KRTAP5-3: variants seen among roughly 807,000 people sequenced by gnomAD.
KRTAP5-3 encodes the protein keratin-associated protein 5-3.
In KRTAP5-3, 1 loss-of-function variant was observed where a neutral mutation model predicts 2.3. The observed-to-expected ratio is 0.44, with a 90% CI of 0.16 to 2.10. KRTAP5-3 has a LOEUF of 2.10. KRTAP5-3 is among the 30% of genes most tolerant of loss of function. The pLI is 0.28. For missense variants in KRTAP5-3, 229 were observed against 291.4 expected (o/e 0.79, Z 1.56); for synonymous variants, 92 against 117.6 (o/e 0.78, Z 1.41).
chr11:1,608,213 C>T lies in KRTAP5-3; in HGVS notation c.173G>A (p.Gly58Asp), dbSNP rs1441262808. ...GACCCCCTTGGAGCCCCCACAGGAG[C>T]CACAGCTGGAGCAGGAACAGGCTGG... Reference protein sequence around the residue: ...CVPACSCSSCGSCGGSKGVCG... With the variant: ...CVPACSCSSCDSCGGSKGVCG... The change falls in exon 1 of 1, where the codon GGC becomes GAC. Residue 58 changes from glycine to aspartate, a missense_variant. This residue lies in a region of KRTAP5-3 where 190 missense variants were observed against 207.6 expected (regional missense o/e 0.92). Transcript: ENST00000399685. The T allele has an allele frequency of 1.9e-6, 3 of 1,608,336 alleles. No individual in the cohort carries two copies. The highest frequency in any genetic ancestry group is 1.7e-6 in the Non-Finnish European group (2 of 1,178,756).
At position 1,608,267 on chromosome 11, in the gene KRTAP5-3, C is replaced by T; in HGVS notation, c.119G>A (p.Cys40Tyr). Residue 40 changes from cysteine (C) to tyrosine (Y), a missense_variant, in exon 1 of 1, where the codon TGC (cysteine) becomes TAC (tyrosine). By Grantham distance (194) the Cys-to-Tyr change is radical (BLOSUM62 -2). Coordinates refer to ENST00000399685, the MANE Select transcript of KRTAP5-3 (RefSeq NM_001012708.2). Reference sequence around the variant, plus strand: ...ACAGCAGCACACGGGCTTGCAGCAGCAGACAGGTACACAGCAGCCGGAGCC... The same window carrying T: ...ACAGCAGCACACGGGCTTGCAGCAGTAGACAGGTACACAGCAGCCGGAGCC... The part of the protein sequence containing the change: ...GCGSGCCVPV[C>Y]CCKPVCCCVP... The T allele has an allele frequency of 6.2e-7, 1 of 1,611,896 alleles. No homozygotes were observed. Among genetic ancestry groups the T allele is most frequent in the Non-Finnish European group, 8.5e-7 (1 of 1,179,730 alleles).
At position 1,608,344 on chromosome 11, in the gene KRTAP5-3, A is replaced by G; in HGVS notation, c.42T>C (p.Cys14=). ...CCCCACAGCTGGAGCCACAGCCCCC[A>G]CAGCTGGAGCCACAGCCTCCAGAGC... ...SGCSGGCGSS[C]GGCGSSCGGC... is the part of the protein sequence containing the mutation. Residue 14 remains cysteine, a synonymous_variant, in exon 1 of 1, where the codon TGT becomes TGC. Coordinates refer to ENST00000399685, the MANE Select transcript of KRTAP5-3 (RefSeq NM_001012708.2). The G allele has an allele frequency of 6.2e-7, 1 of 1,611,700 alleles. No homozygotes were observed. Among genetic ancestry groups the G allele is most frequent in the Non-Finnish European group, 8.5e-7 (1 of 1,179,674 alleles).
In KRTAP5-3 at chr11:1,607,711, C is replaced by A; in HGVS notation, c.675G>T (p.Gln225His). 6.2e-7 allele frequency: 1 copy of A among 1,612,156 alleles called. No homozygotes were observed. The change falls in exon 1 of 1, where the codon CAG (glutamine) becomes CAT (histidine). Residue 225 changes from glutamine (Q) to histidine (H), a missense_variant. Gln to His is a conservative substitution (Grantham distance 24). Around this residue, in one of 2 missense-constraint regions of KRTAP5-3, gnomAD observed 39 missense variants for 83.8 expected, o/e 0.47. Transcript: ENST00000399685. The part of the protein sequence containing the change: ...QSSCCKPCSS[Q>H]SSCCVPICCQ... ...AGCAAATTGGGACACAGCAGCTGGA[C>A]TGGGAGGAGCAGGGCTTGCAGCAGC...
chr11:1,607,631 C>T lies in KRTAP5-3; in HGVS notation c.*38G>A, dbSNP rs373809666. 33 of 1,613,766 alleles carry T rather than the reference C, an allele frequency of 2.0e-5. No individual in the cohort carries two copies. The highest frequency in any genetic ancestry group is 2.5e-5 in the Non-Finnish European group (29 of 1,179,844). ...CAGCTGCAATCATTCCTGGAGAGCCCGGATCTGTAGGACCCACTGAGGTTT... is the reference window on the plus strand; with the variant it reads ...CAGCTGCAATCATTCCTGGAGAGCCTGGATCTGTAGGACCCACTGAGGTTT... On this transcript the variant is annotated 3_prime_UTR_variant, in exon 1 of 1. Transcript: ENST00000399685.
In KRTAP5-3 at chr11:1,608,205, C is replaced by T. The variant is rs754830055; in HGVS notation, c.181G>A (p.Gly61Arg). ...GAGCCACAGACCCCCTTGGAGCCCC[C>T]ACAGGAGCCACAGCTGGAGCAGGAA... ...ACSCSSCGSC[G>R]GSKGVCGSCG... The change falls in exon 1 of 1, where the codon GGG becomes AGG. Residue 61 changes from glycine (G) to arginine (R), a missense_variant. Physicochemically the swap from Gly to Arg is moderately radical, Grantham distance 125. Transcript: ENST00000399685. 2.5e-6 allele frequency: 4 copies of T among 1,607,978 alleles called. No individual in the cohort carries two copies. The highest frequency in any genetic ancestry group is 3.4e-6 in the Non-Finnish European group (4 of 1,178,658).
Position 1,608,081 on chromosome 11 carries a change from C to T in KRTAP5-3, c.305G>A (p.Gly102Asp). 1 of 1,607,750 alleles carries T rather than the reference C, an allele frequency of 6.2e-7. No individual in the cohort carries two copies. Among genetic ancestry groups the T allele is most frequent in the Non-Finnish European group, 8.5e-7 (1 of 1,178,398 alleles). Reference protein sequence around the residue: ...CVPVCCSSSCGSCGGSKGVCG... With the variant: ...CVPVCCSSSCDSCGGSKGVCG... Reference sequence around the variant, plus strand: ...GACCCCCTTGGAACCCCCACAGGAGCCACAGCTGGAGGAGCAGCAGACGGG... The same window carrying T: ...GACCCCCTTGGAACCCCCACAGGAGTCACAGCTGGAGGAGCAGCAGACGGG... Residue 102 changes from glycine (G) to aspartate (D), a missense_variant, in exon 1 of 1, where the codon GGC becomes GAC. By Grantham distance (94) the Gly-to-Asp change is moderately conservative. Around this residue, in one of 2 missense-constraint regions of KRTAP5-3, gnomAD observed 190 missense variants for 207.6 expected, o/e 0.92. Coordinates refer to ENST00000399685, the MANE Select transcript of KRTAP5-3 (RefSeq NM_001012708.2).
chr11:1,608,285 C>G lies in KRTAP5-3; in HGVS notation c.101G>C (p.Gly34Ala), dbSNP rs1244009861. The change falls in exon 1 of 1, where the codon GGC becomes GCC. Residue 34 changes from glycine (G) to alanine (A), a missense_variant. By Grantham distance (60) the Gly-to-Ala change is moderately conservative. Coordinates refer to ENST00000399685, the MANE Select transcript of KRTAP5-3 (RefSeq NM_001012708.2). Reference sequence around the variant, plus strand: ...GCAGCAGCAGACAGGTACACAGCAGCCGGAGCCACAGCCCCCATAGCCGGA... The same window carrying G: ...GCAGCAGCAGACAGGTACACAGCAGGCGGAGCCACAGCCCCCATAGCCGGA... ...CGSGYGGCGS[G>A]CCVPVCCCKP... 6.2e-7 allele frequency: 1 copy of G among 1,612,320 alleles called. No individual in the cohort carries two copies. The highest frequency in any genetic ancestry group is 8.5e-7 in the Non-Finnish European group (1 of 1,179,810).
Position 1,607,851 on chromosome 11 carries a change from C to T in KRTAP5-3, c.535G>A (p.Gly179Ser). ...SCCKPCCCSS[G>S]CGSSCCQSSC... ...GACTGGCAGCAGGATGACCCACAGC[C>T]TGAGGAGCAGCAGCAGGGCTTACAG... is the stretch of plus-strand genomic sequence containing the variant. The change falls in exon 1 of 1, where the codon GGC (glycine) becomes AGC (serine). Residue 179 changes from glycine (G) to serine (S), a missense_variant. This residue lies in a region of KRTAP5-3 where 39 missense variants were observed against 83.8 expected (regional missense o/e 0.47). Coordinates refer to ENST00000399685, the MANE Select transcript of KRTAP5-3 (RefSeq NM_001012708.2). 1 of 1,598,140 alleles carries T rather than the reference C, an allele frequency of 6.3e-7. No individual in the cohort carries two copies. The highest frequency in any genetic ancestry group is 2.3e-5 in the East Asian group (1 of 43,654).
Position 1,608,206 on chromosome 11 carries a change from A to C in KRTAP5-3, c.180T>G (p.Cys60Trp). Residue 60 changes from cysteine (C) to tryptophan (W), a missense_variant, in exon 1 of 1, where the codon TGT (cysteine) becomes TGG (tryptophan). Around this residue, in one of 2 missense-constraint regions of KRTAP5-3, gnomAD observed 190 missense variants for 207.6 expected, o/e 0.92. Transcript: ENST00000399685. ...AGCCACAGACCCCCTTGGAGCCCCC[A>C]CAGGAGCCACAGCTGGAGCAGGAAC... is the stretch of plus-strand genomic sequence containing the variant. ...PACSCSSCGS[C>W]GGSKGVCGSC... The C allele has an allele frequency of 7.4e-7, 1 of 1,360,412 alleles. No homozygotes were observed. Among genetic ancestry groups the C allele is most frequent in the African/African-American group, 1.7e-5 (1 of 59,418 alleles). The allele number at this position is 1,360,412 out of a possible 1,614,324, so 84.3% of individuals were successfully genotyped here. A position where few individuals can be genotyped will look rare whatever the true frequency, so the allele number is the denominator to read the frequency against.
chr11:1,608,115 A>C lies in KRTAP5-3; in HGVS notation c.271T>G (p.Cys91Gly). ...GGSKGGCGSS[C>G]CVPVCCSSSC... Reference sequence around the variant, plus strand: ...GAGGAGCAGCAGACGGGCACACAGCAGCTGGAGCCACAGCCCCCCTTGGAG... The same window carrying C: ...GAGGAGCAGCAGACGGGCACACAGCCGCTGGAGCCACAGCCCCCCTTGGAG... Residue 91 changes from cysteine to glycine, a missense_variant, in exon 1 of 1, where the codon TGC (cysteine) becomes GGC (glycine). By Grantham distance (159) the Cys-to-Gly change is radical. Coordinates refer to ENST00000399685, the MANE Select transcript of KRTAP5-3 (RefSeq NM_001012708.2). The C allele has an allele frequency of 6.2e-7, 1 of 1,600,740 alleles. No individual in the cohort carries two copies. The highest frequency in any genetic ancestry group is 8.5e-7 in the Non-Finnish European group (1 of 1,175,102).
At position 1,608,206 on chromosome 11, in the gene KRTAP5-3, A is replaced by T. The variant is rs1490122864; in HGVS notation, c.180T>A (p.Cys60Ter). ...AGCCACAGACCCCCTTGGAGCCCCC[A>T]CAGGAGCCACAGCTGGAGCAGGAAC... Reference protein sequence around the residue: ...PACSCSSCGSCGGSKGVCGSC... With the variant: ...PACSCSSCGS The change falls in exon 1 of 1, where the codon TGT (cysteine) becomes TGA (stop). Residue 60 changes from cysteine (C) to a stop codon, truncating the protein, a stop_gained. Coordinates refer to ENST00000399685, the MANE Select transcript of KRTAP5-3 (RefSeq NM_001012708.2). LOFTEE classifies it low-confidence loss of function (END_TRUNC). The T allele has an allele frequency of 2.9e-6, 4 of 1,360,412 alleles. No individual in the cohort carries two copies. Among genetic ancestry groups the T allele is most frequent in the Non-Finnish European group, 3.9e-6 (4 of 1,029,552 alleles). 84.3% of individuals were successfully genotyped at this position (1,360,412 alleles called of 1,614,324 possible).
rs201747044 is a variant in KRTAP5-3, at chr11:1,608,342, C to T, written c.44G>A (p.Gly15Glu). 1.2e-6 allele frequency: 2 copies of T among 1,612,770 alleles called. No homozygotes were observed. The highest frequency in any genetic ancestry group is 1.3e-5 in the African/African-American group (1 of 75,000). The change falls in exon 1 of 1, where the codon GGG (glycine) becomes GAG (glutamate). Residue 15 changes from glycine (G) to glutamate (E), a missense_variant. Coordinates refer to ENST00000399685, the MANE Select transcript of KRTAP5-3 (RefSeq NM_001012708.2). ...GCCCCCACAGCTGGAGCCACAGCCC[C>T]CACAGCTGGAGCCACAGCCTCCAGA... ...GCSGGCGSSC[G>E]GCGSSCGGCG...
Position 1,607,592 on chromosome 11 carries a change from A to T in KRTAP5-3, c.*77T>A. ...GAGGACAGATTCAGAGACGTGCTTC[A>T]GGAATTCAGGACACAGCTGCAATCA... is the stretch of plus-strand genomic sequence containing the variant. On this transcript the variant is annotated 3_prime_UTR_variant, in exon 1 of 1. Coordinates refer to ENST00000399685, the MANE Select transcript of KRTAP5-3 (RefSeq NM_001012708.2). 1 of 1,606,892 alleles carries T rather than the reference A, an allele frequency of 6.2e-7. No homozygotes were observed. The highest frequency in any genetic ancestry group is 8.5e-7 in the Non-Finnish European group (1 of 1,175,542).
Position 1,608,048 on chromosome 11 carries a change from A to T in KRTAP5-3, c.338T>A (p.Phe113Tyr). The T allele has an allele frequency of 1.6e-6, 2 of 1,244,196 alleles. No homozygotes were observed. The highest frequency in any genetic ancestry group is 1.0e-4 in the East Asian group (2 of 19,902). 77.1% of individuals were successfully genotyped at this position (1,244,196 alleles called of 1,614,324 possible). ...SCGGSKGVCGFRGGSKGGCGS... is the reference protein window; with the variant it reads ...SCGGSKGVCGYRGGSKGGCGS... ...GCAGCCCCCCTTGGAGCCCCCACGAAATCCACAGACCCCCTTGGAACCCCC... is the reference window on the plus strand; with the variant it reads ...GCAGCCCCCCTTGGAGCCCCCACGATATCCACAGACCCCCTTGGAACCCCC... Residue 113 changes from phenylalanine (F) to tyrosine (Y), a missense_variant, in exon 1 of 1, where the codon TTT becomes TAT. Physicochemically the swap from Phe to Tyr is conservative, Grantham distance 22. This residue lies in a region of KRTAP5-3 where 190 missense variants were observed against 207.6 expected (regional missense o/e 0.92). Coordinates refer to ENST00000399685, the MANE Select transcript of KRTAP5-3 (RefSeq NM_001012708.2).
chr11:1,607,908 A>G lies in KRTAP5-3; in HGVS notation c.478T>C (p.Cys160Arg). Residue 160 changes from cysteine to arginine, a missense_variant, in exon 1 of 1, where the codon TGC (cysteine) becomes CGC (arginine). By Grantham distance (180) the Cys-to-Arg change is radical (BLOSUM62 -3). This residue lies in a region of KRTAP5-3 where 190 missense variants were observed against 207.6 expected (regional missense o/e 0.92). Coordinates refer to ENST00000399685, the MANE Select transcript of KRTAP5-3 (RefSeq NM_001012708.2). ...GACTGGGAACAGCAGGGCTTACAGC[A>G]GCTGGACTGGGAGCAGCTGGGCTTG... The part of the protein sequence containing the change: ...CCKPSCSQSS[C>R]CKPCCSQSSC... 1 of 1,611,444 alleles carries G rather than the reference A, an allele frequency of 6.2e-7. No individual in the cohort carries two copies. The highest frequency in any genetic ancestry group is 8.5e-7 in the Non-Finnish European group (1 of 1,178,290).
rs1182639041 is a variant in KRTAP5-3, at chr11:1,608,032, C to T, written c.354G>A (p.Lys118=). The T allele has an allele frequency of 4.3e-6, 7 of 1,612,288 alleles. No homozygotes were observed. The highest frequency in any genetic ancestry group is 1.7e-5 in the Admixed American group (1 of 59,944). The change falls in exon 1 of 1, where the codon AAG becomes AAA. Residue 118 remains lysine, a synonymous_variant. Coordinates refer to ENST00000399685, the MANE Select transcript of KRTAP5-3 (RefSeq NM_001012708.2). ...KGVCGFRGGS[K]GGCGSCGCSQ... The stretch of plus-strand genomic sequence containing the variant: ...AGCAGCCACAAGAACCGCAGCCCCC[C>T]TTGGAGCCCCCACGAAATCCACAGA...
At position 1,608,444 on chromosome 11, in the gene KRTAP5-3, G is replaced by T; in HGVS notation, c.-59C>A. ...GAGCAGGTGAGAGGGAGGTGTGCAG[G>T]TGTGGAGTTCTCTGAGCCCGGGCTC... On this transcript the variant is annotated 5_prime_UTR_variant, in exon 1 of 1. Transcript: ENST00000399685. The T allele has an allele frequency of 1.3e-6, 2 of 1,594,112 alleles. No homozygotes were observed. Among genetic ancestry groups the T allele is most frequent in the South Asian group, 1.1e-5 (1 of 87,754 alleles).
Position 1,608,002 on chromosome 11 carries a change from C to T in KRTAP5-3, c.384G>A (p.Gln128=), listed in dbSNP as rs1849433432. The T allele has an allele frequency of 6.2e-7, 1 of 1,613,516 alleles. No individual in the cohort carries two copies. Among genetic ancestry groups the T allele is most frequent in the African/African-American group, 1.3e-5 (1 of 74,860 alleles). Residue 128 remains glutamine, a synonymous_variant, in exon 1 of 1, where the codon CAG becomes CAA. Transcript: ENST00000399685. The stretch of plus-strand genomic sequence containing the variant: ...AGCAGCAGGGCTTATAGCAGCTGCA[C>T]TGGGAGCAGCCACAAGAACCGCAGC... ...KGGCGSCGCS[Q]CSCYKPCCCS...
At position 1,608,254 on chromosome 11, in the gene KRTAP5-3, G is replaced by A. The variant is rs752744921; in HGVS notation, c.132C>T (p.Pro44=). The part of the protein sequence containing the change: ...GCCVPVCCCK[P]VCCCVPACSC... ...AACAGGCTGGCACACAGCAGCACAC[G>A]GGCTTGCAGCAGCAGACAGGTACAC... Residue 44 remains proline (P), a synonymous_variant, in exon 1 of 1, where the codon CCC becomes CCT. Transcript: ENST00000399685. 1.3e-4 allele frequency: 214 copies of A among 1,610,402 alleles called. No homozygotes were observed. Among genetic ancestry groups the A allele is most frequent in the Non-Finnish European group, 1.6e-4 (187 of 1,179,440 alleles).
Sources: allele counts gnomAD v4.1 joint callset, GRCh38; gene constraint gnomAD v4.1.1; regional missense constraint gnomAD v4.1.1; transcripts MANE v1.5; gene names NCBI Gene and HGNC (gene_info 2026-07-23, HGNC 2026-07-21).